The following CLTRN variants were observed in gnomAD, a reference collection of about 807,000 sequenced individuals.
CLTRN encodes collectrin.
CLTRN carries 12 observed loss-of-function variants against 14.5 expected under a neutral mutation model. That is an observed-to-expected ratio of 0.83 (90% CI 0.53 to 1.34). The LOEUF is 1.34. CLTRN is among the 40% of genes most tolerant of loss of function. The pLI is 0.00. For missense variants in CLTRN, 154 were observed against 165.1 expected, an observed-to-expected ratio of 0.93 and a Z score of 0.37; for synonymous variants, 58 against 56.5, an observed-to-expected ratio of 1.03 and a Z score of -0.12.
chrX:15,631,965 T>C (rs1342759751), intron 5 of CLTRN, among the ~76,000 whole-genome samples: 1 of 112,582 alleles, frequency 8.9e-6, no homozygotes, highest in Non-Finnish European at 1.9e-5. Flanking sequence ...TTTGATGTTC[T>C]GCTAAAAACA....
At chrX:15,673,868 A>C (rs1163566209) in intron 1 of CLTRN, among the ~76,000 whole-genome samples, 2 of 112,480 alleles carry the variant, frequency 1.8e-5, no homozygotes, top group Non-Finnish European at 3.8e-5. Context: ...TTGAGAATTT[A>C]TTGTGAAGGG....
chrX:15,631,112 T>C (rs1320739818), intron 5 of CLTRN, among the ~76,000 whole-genome samples: 1 of 112,122 alleles, frequency 8.9e-6, no homozygotes, highest in Non-Finnish European at 1.9e-5. Context: ...CCTCTCCCCA[T>C]TTTAATGCTT....
intron 3 of CLTRN, among the ~76,000 whole-genome samples, chrX:15,649,122 A>T (rs1411980267): frequency 9.0e-6 from 1 of 111,720 alleles, no homozygotes; most frequent in African/African-American, 3.3e-5. Flanking sequence ...GAGACAAAAG[A>T]TAAACAAGTA....
intron 3 of CLTRN, among the ~76,000 whole-genome samples, chrX:15,658,475 T>C (rs1438494371): frequency 5.4e-5 from 6 of 111,767 alleles, no homozygotes; most frequent in African/African-American, 1.6e-4. Flanking sequence ...AAGAAGGGAA[T>C]AGAGAAAGAC....
upstream of CLTRN, among the ~76,000 whole-genome samples, chrX:15,666,257 A>AGTT (rs1929619484): frequency 8.9e-6 from 1 of 111,960 alleles, no homozygotes; most frequent in Non-Finnish European, 1.9e-5. Flanking sequence ...AAAACCCTGA[A>AGTT]GTTGCAACAA....
chrX:15,674,169 A>G (rs766889004), intron 1 of CLTRN, among the ~76,000 whole-genome samples: 5 of 112,502 alleles, frequency 4.4e-5, no homozygotes, highest in Admixed American at 1.9e-4. Flanking sequence ...TCCTCTAAGA[A>G]TGTCCGTTCA....
At chrX:15,633,586 T>G (rs1281090987) in intron 5 of CLTRN, among the ~76,000 whole-genome samples, 1 of 113,026 alleles carries the variant, frequency 8.8e-6, no homozygotes, top group Non-Finnish European at 1.9e-5. Flanking sequence ...TATTTACACC[T>G]CTATTTTTAA....
chrX:15,642,564 C>T (rs1037861617), intron 4 of CLTRN, among the ~76,000 whole-genome samples: 2 of 112,030 alleles, frequency 1.8e-5, no homozygotes, highest in African/African-American at 6.5e-5. Flanking sequence ...CACGTGCTTC[C>T]TGGACCTTCA....
chrX:15,670,852 G>A (rs1343591823), intron 1 of CLTRN, among the ~76,000 whole-genome samples: 1 of 105,489 alleles, frequency 9.5e-6, no homozygotes, highest in African/African-American at 3.4e-5. Context: ...ACCCACACAA[G>A]GAAGAACAGA....
chrX:15,637,911 T>G (rs773660593), intron 5 of CLTRN, among the ~76,000 whole-genome samples: 41 of 112,218 alleles, frequency 3.7e-4, no homozygotes, highest in African/African-American at 1.3e-3. Flanking sequence ...AAGCTCAGTT[T>G]CCCTGACTCA....
At chrX:15,646,597 C>A (rs1408543165) in intron 3 of CLTRN, 9 of 339,536 alleles carry the variant, frequency 2.7e-5, no homozygotes, top group Non-Finnish European at 4.7e-5. Flanking sequence ...CCCCTCCCCA[C>A]CGCTCCTCCC....
At chrX:15,643,156 G>C (rs1257540729) in intron 4 of CLTRN, among the ~76,000 whole-genome samples, 3 of 112,008 alleles carry the variant, frequency 2.7e-5, no homozygotes, top group African/African-American at 9.7e-5. Context: ...AGATGCATAA[G>C]AACATTCCTT....
At chrX:15,653,180 G>GT (rs1175240675) in intron 3 of CLTRN, among the ~76,000 whole-genome samples, 5 of 110,895 alleles carry the variant, frequency 4.5e-5, no homozygotes, top group South Asian at 3.8e-4. Context: ...GAAGTTTGGG[G>GT]TTTTTTTTCC....
chrX:15,645,039 G>A lies in CLTRN; in HGVS notation c.204-10C>T. On this transcript the variant is annotated splice_polypyrimidine_tract_variant and intron_variant, in intron 3 of 5. Transcript: ENST00000380342. ...TAGGACATGGGAAATTCTGCAGACA[G>A]TGGAAAGAAAAAATACATGAGAAGA... 9.1e-7 allele frequency: 1 copy of A among 1,102,330 alleles called. No homozygotes were observed. The highest frequency in any genetic ancestry group is 1.2e-6 in the Non-Finnish European group (1 of 804,327). The allele number at this position is 1,102,330 out of a possible 1,213,427, so 90.8% of individuals were successfully genotyped here.
At chrX:15,651,018 T>C (rs12860377) in intron 3 of CLTRN, among the ~76,000 whole-genome samples, 3 of 111,513 alleles carry the variant, frequency 2.7e-5, no homozygotes, top group Non-Finnish European at 5.7e-5. Context: ...CAAGAGCTAA[T>C]ACCCAGGCAA....
At chrX:15,640,223 C>T (rs980669827) in intron 4 of CLTRN, among the ~76,000 whole-genome samples, 10 of 112,056 alleles carry the variant, frequency 8.9e-5, no homozygotes, top group African/African-American at 3.2e-4. Flanking sequence ...CTGGGAGTTA[C>T]CACCCCTTTC....
upstream of CLTRN, among the ~76,000 whole-genome samples, chrX:15,665,969 C>T (rs1435742210): frequency 1.8e-5 from 2 of 111,610 alleles, no homozygotes; most frequent in African/African-American, 6.5e-5. Context: ...TCTCTGGTCA[C>T]CATTGGTCAA....
Position 15,639,774 on chromosome X carries a change from T to C in CLTRN, c.318-18A>G. ...TGTTCATTCTAAAATGCAATGATAA[T>C]TAAAAATAAACAAAATAAGACAGAA... is the stretch of plus-strand genomic sequence containing the variant. On this transcript the variant is annotated intron_variant, in intron 4 of 5. Coordinates refer to ENST00000380342, the MANE Select transcript of CLTRN (RefSeq NM_020665.6). 2 of 1,165,640 alleles carry C rather than the reference T, an allele frequency of 1.7e-6. No individual in the cohort carries two copies. Among genetic ancestry groups the C allele is most frequent in the Non-Finnish European group, 2.3e-6 (2 of 867,639 alleles).
chrX:15,639,012 G>A (rs768395588), intron 5 of CLTRN, among the ~76,000 whole-genome samples: 99 of 111,944 alleles, frequency 8.8e-4, no homozygotes, highest in African/African-American at 2.8e-3. Flanking sequence ...GATGCTGAGA[G>A]TTGATTTAAA....
Sources: allele counts gnomAD v4.1 joint callset (sites outside exome capture counted in the v4.1 genomes callset), GRCh38; gene constraint gnomAD v4.1.1; transcripts MANE v1.5; gene names NCBI Gene and HGNC (gene_info 2026-07-23, HGNC 2026-07-21).